The following EFNB2 variants were observed in gnomAD, a reference collection of about 807,000 sequenced individuals.
EFNB2 encodes ephrin-B2.
EFNB2 carries 5 observed loss-of-function variants against 32.1 expected under a neutral mutation model. That is an observed-to-expected ratio of 0.16 (90% CI 0.08 to 0.33). The LOEUF (loss-of-function observed/expected upper bound fraction) is 0.33. EFNB2 is among the 10% of genes least tolerant of loss of function. The pLI, the probability that EFNB2 is intolerant of heterozygous loss-of-function variation, is 1.00. For synonymous variants in EFNB2, 168 were observed against 166.5 expected (o/e 1.01, Z -0.07); for missense variants, 263 against 422.6 (o/e 0.62, Z 3.31).
chr13:106,521,105 AAAAC>A (rs1223404448), intron 1 of EFNB2: 1 of 152,178 alleles, frequency 6.6e-6, no homozygotes, highest in African/African-American at 2.4e-5. Context: ...ACACTTTCCT[AAAAC>A]AAATATCGTC....
chr13:106,496,671 A>G (rs979412237), intron 2 of EFNB2, among the ~76,000 whole-genome samples: 17 of 151,230 alleles, frequency 1.1e-4, no homozygotes, highest in African/African-American at 3.4e-4. Context: ...GGAAGGAAGG[A>G]CAGAATCATT....
chr13:106,530,118 C>G (rs1290663914), intron 1 of EFNB2, among the ~76,000 whole-genome samples: 1 of 152,290 alleles, frequency 6.6e-6, no homozygotes, highest in African/African-American at 2.4e-5. Flanking sequence ...GGGAGAAGGG[C>G]TGAATTGCTT....
At chr13:106,499,568 T>G (rs1227083886) in intron 2 of EFNB2, among the ~76,000 whole-genome samples, 1 of 152,216 alleles carries the variant, frequency 6.6e-6, no homozygotes, top group African/African-American at 2.4e-5. Flanking sequence ...AGTTTTTCTT[T>G]GTATCTTTCT....
chr13:106,529,756 T>C (rs997320864), intron 1 of EFNB2, among the ~76,000 whole-genome samples: 4 of 152,138 alleles, frequency 2.6e-5, no homozygotes, highest in Non-Finnish European at 4.4e-5. Flanking sequence ...AGACAGAAAA[T>C]GGTGGTTTTA....
intron 2 of EFNB2, chr13:106,505,974 A>G (rs1878936673): frequency 6.6e-6 from 1 of 152,192 alleles, no homozygotes; most frequent in Non-Finnish European, 1.5e-5. Context: ...CCAGGTCGTG[A>G]CTCCGCTATA....
intron 1 of EFNB2, among the ~76,000 whole-genome samples, chr13:106,532,836 GGTGA>G (rs1044039134): frequency 2.0e-5 from 3 of 150,848 alleles, no homozygotes; most frequent in Admixed American, 6.6e-5. Flanking sequence ...GGGGGGGAGT[GGTGA>G]GTACCTGTCA....
chr13:106,514,699 T>C (rs1879256839), intron 1 of EFNB2, among the ~76,000 whole-genome samples: 1 of 152,042 alleles, frequency 6.6e-6, no homozygotes, highest in Non-Finnish European at 1.5e-5. Flanking sequence ...CTGCCTAGGG[T>C]TTCTCATACA....
intron 1 of EFNB2, among the ~76,000 whole-genome samples, chr13:106,529,900 C>A (rs575704051): frequency 6.6e-6 from 1 of 152,274 alleles, no homozygotes; most frequent in South Asian, 2.1e-4. Context: ...GAGTTGTAAT[C>A]CCCTTATTAA....
At chr13:106,501,376 GGC>G (rs1878771690) in intron 2 of EFNB2, among the ~76,000 whole-genome samples, 1 of 151,814 alleles carries the variant, frequency 6.6e-6, no homozygotes, top group Non-Finnish European at 1.5e-5. Flanking sequence ...TTTTCACTGT[GGC>G]TTTAAAATGA....
intron 1 of EFNB2, among the ~76,000 whole-genome samples, chr13:106,529,042 T>G (rs1164961180): frequency 6.6e-6 from 1 of 152,218 alleles, no homozygotes; most frequent in Non-Finnish European, 1.5e-5. Context: ...CCCTCCCCTT[T>G]TAAAAATTGT....
chr13:106,523,368 C>T (rs930916411), intron 1 of EFNB2, among the ~76,000 whole-genome samples: 1 of 152,182 alleles, frequency 6.6e-6, no homozygotes, highest in Non-Finnish European at 1.5e-5. Flanking sequence ...TTAGTCACCA[C>T]ATTCAGCCTG....
intron 2 of EFNB2, among the ~76,000 whole-genome samples, chr13:106,499,755 A>G (rs1878709885): frequency 6.6e-6 from 1 of 152,104 alleles, no homozygotes; most frequent in Non-Finnish European, 1.5e-5. Context: ...TTACCAGAAA[A>G]TTTCTCTATC....
At chr13:106,520,024 C>G (rs904348916) in intron 1 of EFNB2, 3 of 151,922 alleles carry the variant, frequency 2.0e-5, no homozygotes, top group Non-Finnish European at 2.9e-5. Context: ...CTTGTTTACT[C>G]AAATAAGTGA....
At position 106,490,676 on chromosome 13, in the gene EFNB2, G is replaced by A. The variant is rs1371980640; in HGVS notation, c.*2364C>T. The A allele has an allele frequency of 6.6e-6, 1 of 152,032 alleles. No homozygotes were observed. Among genetic ancestry groups the A allele is most frequent in the Admixed American group, 6.6e-5 (1 of 15,248 alleles). 9.4% of individuals were successfully genotyped at this position (152,032 alleles called of 1,614,324 possible). A position where few individuals can be genotyped will look rare whatever the true frequency, so the allele number is the denominator to read the frequency against. ...GAATGCACAGAAAGGAGAGGTTGGG[G>A]TGATGGAAAGAATTACATATGTACT... On this transcript the variant is annotated 3_prime_UTR_variant, in exon 5 of 5. Transcript: ENST00000646441.
chr13:106,534,721 G>C, intron 1 of EFNB2, 122 bp downstream of exon 1: 3 of 1,184,096 alleles, frequency 2.5e-6, no homozygotes, highest in Non-Finnish European at 3.5e-6. Context: ...TTGGGGGTGG[G>C]GGACGGGGAA....
chr13:106,495,403 C>T (rs1433793030), intron 3 of EFNB2, among the ~76,000 whole-genome samples: 2 of 152,206 alleles, frequency 1.3e-5, no homozygotes, highest in Non-Finnish European at 2.9e-5. Flanking sequence ...AGCAAAACTG[C>T]ACAAGCTTTT....
chr13:106,491,241 C>T lies in EFNB2; in HGVS notation c.*1799G>A, dbSNP rs954839446. ...CATTGTTAAATATATGATGCAGTCA[C>T]ATCGGCTTCCTGCTCTGTGGGGCTC... On this transcript the variant is annotated 3_prime_UTR_variant, in exon 5 of 5. Coordinates refer to ENST00000646441, the MANE Select transcript of EFNB2 (RefSeq NM_004093.4). 2.0e-5 allele frequency: 3 copies of T among 152,650 alleles called. No individual in the cohort carries two copies. Among genetic ancestry groups the T allele is most frequent in the African/African-American group, 7.2e-5 (3 of 41,446 alleles). 9.5% of individuals were successfully genotyped at this position (152,650 alleles called of 1,614,324 possible). A position where few individuals can be genotyped will look rare whatever the true frequency, so the allele number is the denominator to read the frequency against.
In EFNB2 at chr13:106,492,769, G is replaced by A. The variant is rs550544383; in HGVS notation, c.*271C>T. 5.3e-4 allele frequency: 196 copies of A among 366,950 alleles called. 1 individual carries two copies. Among genetic ancestry groups the A allele is most frequent in the African/African-American group, 3.7e-3 (187 of 50,312 alleles). The allele number at this position is 366,950 out of a possible 1,614,324, so 22.7% of individuals were successfully genotyped here. A position where few individuals can be genotyped will look rare whatever the true frequency, so the allele number is the denominator to read the frequency against. The stretch of plus-strand genomic sequence containing the variant: ...CTGAGTGACCGCAGCACATGGCTTC[G>A]AGGAGGAGACGTGGGACGCGGCACA... On this transcript the variant is annotated 3_prime_UTR_variant, in exon 5 of 5. Transcript: ENST00000646441. This position sits in a 1 kb window ranked among gnomAD's most constrained non-coding sequence, Gnocchi z 5.1.
chr13:106,507,672 GC>G (rs1879000182), intron 2 of EFNB2, among the ~76,000 whole-genome samples: 1 of 152,034 alleles, frequency 6.6e-6, no homozygotes, highest in Middle Eastern at 3.2e-3. Flanking sequence ...ACCAATGAGG[GC>G]CCTAAGAAAT....
Sources: gnomAD v4.1 joint callset for allele counts (sites outside exome capture counted in the v4.1 genomes callset) on GRCh38, gnomAD v4.1.1 for gene constraint, Gnocchi (gnomAD v3.1) non-coding constraint, MANE v1.5 for transcripts, NCBI Gene and HGNC (gene_info 2026-07-23, HGNC 2026-07-21) for gene names.